The following KIAA0319L variants were observed in gnomAD, a reference collection of about 807,000 sequenced individuals.
KIAA0319L encodes KIAA0319 like.
Under a neutral mutation model 120.1 loss-of-function variants are expected in KIAA0319L, and 55 were observed. The ratio of observed to expected loss-of-function variants is 0.46; its 90% CI spans 0.37 to 0.57. The LOEUF is 0.57. KIAA0319L is among the 20% of genes least tolerant of loss of function. The pLI, the probability that KIAA0319L is intolerant of heterozygous loss-of-function variation, is 0.00. For missense variants in KIAA0319L, 1,049 were observed against 1,255.3 expected (o/e 0.84, Z 2.48); for synonymous variants, 398 against 471.9 (o/e 0.84, Z 2.03).
chr1:35,478,290 G>C (rs1643993581), intron 4 of KIAA0319L, among the ~76,000 whole-genome samples: 1 of 146,598 alleles, frequency 6.8e-6, no homozygotes, highest in Non-Finnish European at 1.5e-5. Flanking sequence ...AGGGAGGGGG[G>C]GATGGTTAAT....
At chr1:35,441,011 C>T (rs996643556) in intron 20 of KIAA0319L, 36 bp downstream of exon 20, 9 of 1,523,054 alleles carry the variant, frequency 5.9e-6, no homozygotes, top group Non-Finnish European at 8.2e-6. Context: ...AGAGAGAGTG[C>T]ACAGACCTAG....
At chr1:35,486,963 C>A (rs539342326) in intron 3 of KIAA0319L, among the ~76,000 whole-genome samples, 1 of 152,110 alleles carries the variant, frequency 6.6e-6, no homozygotes, top group Non-Finnish European at 1.5e-5. Context: ...CATATGATAG[C>A]TACTTTGAAG....
chr1:35,551,640 A>C (rs1044089060), intron 2 of KIAA0319L, among the ~76,000 whole-genome samples: 5 of 151,732 alleles, frequency 3.3e-5, no homozygotes, highest in African/African-American at 1.2e-4. Context: ...TTCTATTAGG[A>C]TATTCCTTTT....
At chr1:35,516,792 A>G (rs576080947) in intron 2 of KIAA0319L, among the ~76,000 whole-genome samples, 8 of 152,228 alleles carry the variant, frequency 5.3e-5, no homozygotes, top group Non-Finnish European at 8.8e-5. Flanking sequence ...ACATGATTCT[A>G]TATCTAGAAA....
intron 3 of KIAA0319L, among the ~76,000 whole-genome samples, chr1:35,480,697 A>T (rs750034974): frequency 6.6e-6 from 1 of 152,010 alleles, no homozygotes; most frequent in Non-Finnish European, 1.5e-5. Context: ...CACAAGAATC[A>T]CTTGAACCCG....
At chr1:35,545,483 C>G (rs72899240) in intron 2 of KIAA0319L, among the ~76,000 whole-genome samples, 1 of 151,994 alleles carries the variant, frequency 6.6e-6, no homozygotes, top group African/African-American at 2.4e-5. Context: ...AGGGAAAGCA[C>G]GAGAAAGGAG....
intron 2 of KIAA0319L, among the ~76,000 whole-genome samples, chr1:35,522,987 C>A (rs1645985497): frequency 6.7e-6 from 1 of 148,164 alleles, no homozygotes; most frequent in South Asian, 2.1e-4. Flanking sequence ...CCACTGCACT[C>A]CAGCCTGGCA....
intron 14 of KIAA0319L, 54 bp downstream of exon 14, chr1:35,450,304 T>TGGCTCC (rs1553191948): frequency 6.4e-7 from 1 of 1,552,806 alleles, no homozygotes; most frequent in Non-Finnish European, 8.8e-7. Context: ...CTGGAACGCG[T>TGGCTCC]GGCTCCTCCT....
At chr1:35,533,905 T>C (rs1421268200) in intron 2 of KIAA0319L, among the ~76,000 whole-genome samples, 2 of 152,184 alleles carry the variant, frequency 1.3e-5, no homozygotes, top group African/African-American at 4.8e-5. Flanking sequence ...ACAAAAAAAA[T>C]GGTTCCACCT....
Position 35,450,016 on chromosome 1 carries a change from G to GT in KIAA0319L, c.2215-12_2215-11insA. 6.2e-7 allele frequency: 1 copy of GT among 1,613,900 alleles called. No homozygotes were observed. The highest frequency in any genetic ancestry group is 2.2e-5 in the East Asian group (1 of 44,898). On this transcript the variant is annotated splice_polypyrimidine_tract_variant and intron_variant, in intron 14 of 20. Coordinates refer to ENST00000325722, the MANE Select transcript of KIAA0319L (RefSeq NM_024874.5). The stretch of plus-strand genomic sequence containing the variant: ...GTGATTTAACACCTCCTGTAGGGTT[G>GT]AACAACATGGCTATGTTACAGAACA...
At chr1:35,476,932 G>A (rs1225377791) in intron 4 of KIAA0319L, among the ~76,000 whole-genome samples, 1 of 152,116 alleles carries the variant, frequency 6.6e-6, no homozygotes, top group Non-Finnish European at 1.5e-5. Context: ...CACCTGTGAA[G>A]CACAGATTTA....
chr1:35,448,174 T>A lies in KIAA0319L; in HGVS notation c.2512A>T (p.Ser838Cys), dbSNP rs1484991115. ...VQKIQPYTEQSTKMVFFVQNE... is the reference protein window; with the variant it reads ...VQKIQPYTEQCTKMVFFVQNE... Reference sequence around the variant, plus strand: ...TCCCCCCATTCATTGCCCAGCTACCTCTGCTCCGTGTACGGCTGAATCTTT... The same window carrying A: ...TCCCCCCATTCATTGCCCAGCTACCACTGCTCCGTGTACGGCTGAATCTTT... The change falls in exon 16 of 21, where the codon AGC becomes TGC. Residue 838 changes from serine (S) to cysteine (C), a missense_variant and splice_region_variant. Transcript: ENST00000325722. The A allele has an allele frequency of 6.2e-7, 1 of 1,609,342 alleles. No homozygotes were observed. Among genetic ancestry groups the A allele is most frequent in the Admixed American group, 1.7e-5 (1 of 59,388 alleles).
chr1:35,465,670 G>A (rs991573111), intron 7 of KIAA0319L, among the ~76,000 whole-genome samples: 3 of 152,124 alleles, frequency 2.0e-5, no homozygotes, highest in Non-Finnish European at 2.9e-5. Flanking sequence ...GAGGGGCCAG[G>A]GGTGGAATGA....
At chr1:35,494,040 A>G (rs572058989) in intron 3 of KIAA0319L, among the ~76,000 whole-genome samples, 17 of 152,336 alleles carry the variant, frequency 1.1e-4, no homozygotes. Context: ...TGAAAATTCC[A>G]GAAGACTTTT....
At chr1:35,451,597 G>A (rs1642067962) in intron 13 of KIAA0319L, 31 bp downstream of exon 13, 1 of 1,605,842 alleles carries the variant, frequency 6.2e-7, no homozygotes, top group Non-Finnish European at 8.5e-7. Context: ...ACCCTAAGAG[G>A]CTGCTACACA....
At chr1:35,466,874 T>G (rs1643299720) in intron 6 of KIAA0319L, among the ~76,000 whole-genome samples, 179 bp from the exon 7 acceptor site, 1 of 152,156 alleles carries the variant, frequency 6.6e-6, no homozygotes, top group African/African-American at 2.4e-5. Flanking sequence ...GGTGGATCAC[T>G]TGAGTTCCTG....
chr1:35,450,618 AC>A (rs1287901605), intron 13 of KIAA0319L, 109 bp from the exon 14 acceptor site: 7 of 1,102,320 alleles, frequency 6.4e-6, no homozygotes, highest in Non-Finnish European at 9.1e-6. Flanking sequence ...TAACTGGAGA[AC>A]CTTTTTAAGT....
intron 2 of KIAA0319L, among the ~76,000 whole-genome samples, chr1:35,538,020 C>T (rs1173194014): frequency 3.3e-5 from 5 of 152,166 alleles, no homozygotes; most frequent in African/African-American, 1.2e-4. Flanking sequence ...ATTAGAACAT[C>T]CCATGTCTTA....
At chr1:35,460,536 TA>T in intron 8 of KIAA0319L, 99 bp from the exon 9 acceptor site, 4 of 1,088,018 alleles carry the variant, frequency 3.7e-6, no homozygotes, top group Non-Finnish European at 5.3e-6. Context: ...GATTTGAAGC[TA>T]GGAAAACTTC....
Sources: allele counts gnomAD v4.1 joint callset (sites outside exome capture counted in the v4.1 genomes callset), GRCh38; gene constraint gnomAD v4.1.1; transcripts MANE v1.5; gene names NCBI Gene and HGNC (gene_info 2026-07-23, HGNC 2026-07-21).